The following DCC variants were observed in gnomAD, a reference collection of about 807,000 sequenced individuals.
DCC encodes netrin receptor DCC.
Under a neutral mutation model 172.5 loss-of-function variants are expected in DCC, and 58 were observed. The ratio of observed to expected loss-of-function variants is 0.34; its 90% CI spans 0.27 to 0.42. DCC has a LOEUF of 0.42. DCC is among the 10% of genes least tolerant of loss of function. The probability of loss-of-function intolerance (pLI) is 1.00; values close to 1 mark genes in which losing one functional copy is unlikely to be tolerated. For missense variants in DCC, 1,740 were observed against 1,791.0 expected (o/e 0.97, Z 0.51); for synonymous variants, 709 against 644.5 (o/e 1.10, Z -1.52).
intron 2 of DCC, among the ~76,000 whole-genome samples, chr18:52,871,183 C>T (rs1340352402): frequency 6.6e-6 from 1 of 152,198 alleles, no homozygotes; most frequent in East Asian, 1.9e-4. Context: ...CATTTTCAGA[C>T]TGGCCAGCTG....
intron 2 of DCC, among the ~76,000 whole-genome samples, chr18:52,795,657 A>AT (rs2037860884): frequency 1.3e-5 from 2 of 150,988 alleles, no homozygotes; most frequent in Middle Eastern, 3.4e-3. Flanking sequence ...CTGTTTTCTT[A>AT]TTTTTTCTAG....
intron 1 of DCC, among the ~76,000 whole-genome samples, chr18:52,427,835 T>TCTTCCTTCCTTTCTTTCCTCCTTCCTTC (rs1481412682): frequency 2.2e-5 from 1 of 46,020 alleles, no homozygotes; most frequent in African/African-American, 6.1e-5. Context: ...TTCCTTCCTT[T>TCTTCCTTCCTTTCTTTCCTCCTTCCTTC]CTTCCTTCCT....
intron 1 of DCC, among the ~76,000 whole-genome samples, chr18:52,562,780 C>A (rs1035790008): frequency 6.6e-6 from 1 of 151,956 alleles, no homozygotes; most frequent in Non-Finnish European, 1.5e-5. Flanking sequence ...TAATCATTTT[C>A]TTTATTTTTT....
At chr18:53,095,415 C>T (rs930639195) in intron 7 of DCC, among the ~76,000 whole-genome samples, 3 of 152,168 alleles carry the variant, frequency 2.0e-5, no homozygotes, top group African/African-American at 7.2e-5. Flanking sequence ...GCTCTAAGAA[C>T]ATGAAACAAA....
chr18:52,352,415 T>C (rs982527151), intron 1 of DCC, among the ~76,000 whole-genome samples: 5 of 152,218 alleles, frequency 3.3e-5, no homozygotes, highest in African/African-American at 1.2e-4. Context: ...CCTGGTCCCA[T>C]GCCTTTGCTT....
chr18:52,906,377 G>T (rs769724198), intron 3 of DCC, 49 bp downstream of exon 3: 1 of 1,592,066 alleles, frequency 6.3e-7, no homozygotes, highest in South Asian at 1.1e-5. Flanking sequence ...TCTGGAATAA[G>T]TTGAAAAACA....
At chr18:52,955,070 G>A (rs962768867) in intron 5 of DCC, among the ~76,000 whole-genome samples, 2 of 152,032 alleles carry the variant, frequency 1.3e-5, no homozygotes, top group African/African-American at 2.4e-5. Flanking sequence ...ATCACCCAAG[G>A]TCCATAATTT....
At chr18:53,235,567 C>T (rs2056189071) in intron 12 of DCC, among the ~76,000 whole-genome samples, 1 of 152,114 alleles carries the variant, frequency 6.6e-6, no homozygotes, top group South Asian at 2.1e-4. Context: ...TGGACTCTCC[C>T]ACCTGTGCAC....
At chr18:52,811,443 T>G (rs2038197021) in intron 2 of DCC, among the ~76,000 whole-genome samples, 1 of 152,188 alleles carries the variant, frequency 6.6e-6, no homozygotes, top group African/African-American at 2.4e-5. Flanking sequence ...ATTCGCTTGG[T>G]TAAGAAATGA....
intron 2 of DCC, chr18:52,816,708 A>T (rs1598832813): frequency 6.6e-6 from 1 of 152,114 alleles, no homozygotes; most frequent in Non-Finnish European, 1.5e-5. Context: ...TGGATGGATG[A>T]CACTCGCTAG....
intron 7 of DCC, among the ~76,000 whole-genome samples, chr18:53,088,322 C>T (rs2042948673): frequency 6.6e-6 from 1 of 152,210 alleles, no homozygotes; most frequent in African/African-American, 2.4e-5. Flanking sequence ...CCTTCACATC[C>T]CTTGTAAGTT....
chr18:52,656,229 A>G (rs946519686), intron 1 of DCC, among the ~76,000 whole-genome samples: 2 of 151,508 alleles, frequency 1.3e-5, no homozygotes, highest in African/African-American at 4.9e-5. Flanking sequence ...AGGAGATGGG[A>G]CCTTTGAGAT....
intron 1 of DCC, among the ~76,000 whole-genome samples, chr18:52,558,818 G>A (rs929822094): frequency 1.3e-5 from 2 of 152,110 alleles, no homozygotes; most frequent in Non-Finnish European, 2.9e-5. Flanking sequence ...TGATGAATAG[G>A]CTCATTATGT....
chr18:53,099,994 T>G (rs1022786824), intron 7 of DCC, among the ~76,000 whole-genome samples: 19 of 139,666 alleles, frequency 1.4e-4, no homozygotes, highest in Non-Finnish European at 2.9e-4. Context: ...TTGCACAGGC[T>G]GGAGTGCAGT....
chr18:53,005,772 T>C lies in DCC; in HGVS notation c.986-57533T>C, dbSNP rs763118797. On this transcript the variant is annotated intron_variant, in intron 5 of 28. Transcript: ENST00000442544. Reference sequence around the variant, plus strand: ...AAGAATCTTTACTTAATGTGTGTTATAATTGTTTGTTGGTTATTTTTCATC... The same window carrying C: ...AAGAATCTTTACTTAATGTGTGTTACAATTGTTTGTTGGTTATTTTTCATC... Among the ~76,000 whole-genome samples, 22 of 152,328 alleles carry C rather than the reference T, an allele frequency of 1.4e-4. No homozygotes were observed. The Middle Eastern group carries it at 0.014, about 94-fold the overall frequency.
At chr18:53,382,573 T>G (rs958731315) in intron 15 of DCC, among the ~76,000 whole-genome samples, 1 of 152,134 alleles carries the variant, frequency 6.6e-6, no homozygotes, top group African/African-American at 2.4e-5. Flanking sequence ...CTTTATTGTT[T>G]AATTTTACAT....
At chr18:52,424,181 T>G (rs1047403411) in intron 1 of DCC, among the ~76,000 whole-genome samples, 3 of 152,166 alleles carry the variant, frequency 2.0e-5, no homozygotes, top group Non-Finnish European at 4.4e-5. Context: ...AACTGAATAT[T>G]ATATTAAAAC....
intron 6 of DCC, among the ~76,000 whole-genome samples, chr18:53,065,476 G>A (rs1371651748): frequency 2.0e-5 from 3 of 151,914 alleles, no homozygotes; most frequent in Admixed American, 2.0e-4. Flanking sequence ...GAACCACATG[G>A]GTGTAAAATA....
At chr18:53,430,025 T>A (rs1911509477) in intron 21 of DCC, among the ~76,000 whole-genome samples, 1 of 152,132 alleles carries the variant, frequency 6.6e-6, no homozygotes, top group Non-Finnish European at 1.5e-5. Context: ...AGAAACACAT[T>A]TCAGCCTCTG....
Sources: gnomAD v4.1 joint callset for allele counts (sites outside exome capture counted in the v4.1 genomes callset) on GRCh38, gnomAD v4.1.1 for gene constraint, MANE v1.5 for transcripts, NCBI Gene and HGNC (gene_info 2026-07-23, HGNC 2026-07-21) for gene names.